Variants in CTDSPL2 observed in about 807,000 individuals in gnomAD.
The protein encoded by CTDSPL2 is CTD small phosphatase-like protein 2.
In CTDSPL2, 5 loss-of-function variants were observed where a neutral mutation model predicts 60.0. The ratio of observed to expected loss-of-function variants is 0.08; its 90% CI spans 0.04 to 0.18. The LOEUF (loss-of-function observed/expected upper bound fraction) is 0.18. Among genes scored for constraint, CTDSPL2 ranks in the 10% least tolerant of loss-of-function variants. The probability of loss-of-function intolerance (pLI) is 1.00; values close to 1 mark genes in which losing one functional copy is unlikely to be tolerated. For missense variants in CTDSPL2, 370 were observed against 548.8 expected, an observed-to-expected ratio of 0.67 and a Z score of 3.26; for synonymous variants, 186 against 189.3, an observed-to-expected ratio of 0.98 and a Z score of 0.14.
chr15:44,525,661 GTTTAC>G lies in CTDSPL2; in HGVS notation c.*1490_*1494del, dbSNP rs934987574. The G allele has an allele frequency of 7.6e-6, 3 of 393,848 alleles. No homozygotes were observed. Among genetic ancestry groups the G allele is most frequent in the African/African-American group, 6.2e-5 (3 of 48,502 alleles). 24.4% of individuals were successfully genotyped at this position (393,848 alleles called of 1,614,324 possible). ...AATTAATTTTTTATGTATATTACCT[GTTTAC>G]TTGTACAACTTACTGTACAAATTAC... On this transcript the variant is annotated 3_prime_UTR_variant, in exon 13 of 13. Coordinates refer to ENST00000260327, the MANE Select transcript of CTDSPL2 (RefSeq NM_016396.3).
At chr15:44,482,779 A>C (rs923676744) in intron 2 of CTDSPL2, among the ~76,000 whole-genome samples, 4 of 152,230 alleles carry the variant, frequency 2.6e-5, no homozygotes, top group Admixed American at 2.6e-4. Flanking sequence ...AATGTATGTT[A>C]GTGCATTTTA....
rs367569465 is a variant in CTDSPL2 at position 44,482,523 on chromosome 15, GTAT to G, written c.187-1696_187-1694del. 4.5e-3 allele frequency among the ~76,000 whole-genome samples: 684 copies of G among 152,300 alleles called. 4 individuals are homozygous for G. Among genetic ancestry groups the G allele is most frequent in the African/African-American group, 0.016 (650 of 41,572 alleles). On this transcript the variant is annotated intron_variant, in intron 2 of 12. Coordinates refer to ENST00000260327, the MANE Select transcript of CTDSPL2 (RefSeq NM_016396.3). ...AGGACTTAATGTAGTTGAAACTGCTGTATTATTTCTGTTCTTCAAAGACTTTAT... is the reference window on the plus strand; with the variant it reads ...AGGACTTAATGTAGTTGAAACTGCTGTATTTCTGTTCTTCAAAGACTTTAT...
chr15:44,468,018 T>G (rs2140729451), intron 2 of CTDSPL2, among the ~76,000 whole-genome samples: 1 of 152,310 alleles, frequency 6.6e-6, no homozygotes, highest in East Asian at 1.9e-4. Context: ...TTGTCTTGAT[T>G]TGTAATGTTT....
chr15:44,482,225 C>T (rs920314154), intron 2 of CTDSPL2, among the ~76,000 whole-genome samples: 1 of 152,128 alleles, frequency 6.6e-6, no homozygotes, highest in Non-Finnish European at 1.5e-5. Flanking sequence ...TAGCTCCCTG[C>T]AGCCTTGAAC....
chr15:44,473,008 G>A (rs1207576050), intron 2 of CTDSPL2, among the ~76,000 whole-genome samples: 2 of 152,068 alleles, frequency 1.3e-5, no homozygotes, highest in Non-Finnish European at 2.9e-5. Flanking sequence ...TGTTGCCCAG[G>A]CTGATATCAA....
chr15:44,478,986 G>A (rs1403302916), intron 2 of CTDSPL2, among the ~76,000 whole-genome samples: 3 of 151,026 alleles, frequency 2.0e-5, no homozygotes, highest in South Asian at 4.2e-4. Flanking sequence ...ATAATAAAAC[G>A]TGTCTTGAAT....
At chr15:44,456,617 T>C (rs1301272027) in intron 1 of CTDSPL2, among the ~76,000 whole-genome samples, 1 of 152,172 alleles carries the variant, frequency 6.6e-6, no homozygotes, top group East Asian at 1.9e-4. Flanking sequence ...TTACTGCGTC[T>C]ATTTGATTCT....
At position 44,434,140 on chromosome 15, in the gene CTDSPL2, G is replaced by T. The variant is rs78190260; in HGVS notation, c.-25+6368G>T. The stretch of plus-strand genomic sequence containing the variant: ...GTCTTGACTGGGCGTGGTGGCTCAC[G>T]CTTGTAATCCCAGCACTTTGGGAGG... On this transcript the variant is annotated intron_variant, in intron 1 of 12. Coordinates refer to ENST00000260327, the MANE Select transcript of CTDSPL2 (RefSeq NM_016396.3). Among the ~76,000 whole-genome samples the T allele has an allele frequency of 3.1e-3, 474 of 151,722 alleles. 17 individuals are homozygous for T. The East Asian group carries it at 0.079, about 25-fold the overall frequency.
At chr15:44,507,690 G>A (rs995753704) in intron 8 of CTDSPL2, among the ~76,000 whole-genome samples, 13 of 152,182 alleles carry the variant, frequency 8.5e-5, no homozygotes, top group African/African-American at 2.7e-4. Flanking sequence ...TACTGAAACA[G>A]TTTGTTATCT....
intron 12 of CTDSPL2, 113 bp downstream of exon 12, chr15:44,521,519 C>G (rs1409204463): frequency 1.8e-6 from 1 of 563,672 alleles, no homozygotes; most frequent in Admixed American, 3.5e-5. Flanking sequence ...CAACTGTGAG[C>G]CAGGTCACAG....
At chr15:44,522,986 T>A (rs939790766) in intron 12 of CTDSPL2, among the ~76,000 whole-genome samples, 1 of 152,028 alleles carries the variant, frequency 6.6e-6, no homozygotes, top group African/African-American at 2.4e-5. Flanking sequence ...CACACCTATT[T>A]AATCCCACTG....
chr15:44,481,816 G>A (rs1338145437), intron 2 of CTDSPL2, among the ~76,000 whole-genome samples: 5 of 152,208 alleles, frequency 3.3e-5, no homozygotes, highest in African/African-American at 9.6e-5. Flanking sequence ...CAGGTGATCC[G>A]CCTGCCTCGG....
chr15:44,438,156 C>G (rs549293449), intron 1 of CTDSPL2, among the ~76,000 whole-genome samples: 3 of 151,660 alleles, frequency 2.0e-5, no homozygotes, highest in East Asian at 1.9e-4. Flanking sequence ...CCCAGCTACT[C>G]GGAAGGCTGG....
rs1323765262 is a variant in CTDSPL2, at chr15:44,507,272, A to T, written c.970-7326A>T. 8.7e-5 allele frequency among the ~76,000 whole-genome samples: 13 copies of T among 149,928 alleles called. No individual in the cohort carries two copies. The Admixed American group carries it at 8.7e-4, about 10-fold the overall frequency. On this transcript the variant is annotated intron_variant, in intron 8 of 12. Transcript: ENST00000260327. Reference sequence around the variant, plus strand: ...GCTAATTTTTGTATTTTTAGTAGAGATGGGGTTTCACCATGTTGGCCAGGC... The same window carrying T: ...GCTAATTTTTGTATTTTTAGTAGAGTTGGGGTTTCACCATGTTGGCCAGGC...
chr15:44,444,037 C>T (rs1404229011), intron 1 of CTDSPL2, among the ~76,000 whole-genome samples: 4 of 151,742 alleles, frequency 2.6e-5, no homozygotes, highest in Non-Finnish European at 4.4e-5. Flanking sequence ...CAAGTAGTAG[C>T]TAGTACTGTA....
intron 3 of CTDSPL2, among the ~76,000 whole-genome samples, chr15:44,485,324 A>C (rs1403887439): frequency 9.9e-5 from 15 of 152,262 alleles, no homozygotes; most frequent in Admixed American, 9.8e-4. Flanking sequence ...CATTAAGGAA[A>C]AGCAGAGACA....
chr15:44,486,215 T>C (rs1365182636), intron 3 of CTDSPL2, among the ~76,000 whole-genome samples: 3 of 152,222 alleles, frequency 2.0e-5, no homozygotes, highest in African/African-American at 7.2e-5. Flanking sequence ...ATTTGTGTTT[T>C]AGTTGGTGGG....
intron 2 of CTDSPL2, among the ~76,000 whole-genome samples, chr15:44,473,829 T>A (rs2080859289): frequency 6.6e-6 from 1 of 152,246 alleles, no homozygotes; most frequent in African/African-American, 2.4e-5. Flanking sequence ...GCTCACATTC[T>A]TACCAGTATT....
chr15:44,484,089 A>G (rs1162474507), intron 2 of CTDSPL2, 135 bp from the exon 3 acceptor site: 3 of 735,326 alleles, frequency 4.1e-6, no homozygotes, highest in African/African-American at 3.6e-5. Flanking sequence ...GATATTACCT[A>G]TAATTGCATT....
Sources: allele counts gnomAD v4.1 joint callset (sites outside exome capture counted in the v4.1 genomes callset), GRCh38; gene constraint gnomAD v4.1.1; transcripts MANE v1.5; gene names NCBI Gene and HGNC (gene_info 2026-07-23, HGNC 2026-07-21).